The following SAXO1 variants were observed in gnomAD, a reference collection of about 807,000 sequenced individuals.
The protein encoded by SAXO1 is stabilizer of axonemal microtubules 1, also known as 4930500O09Rik.
In SAXO1, 21 loss-of-function variants were observed where a neutral mutation model predicts 17.5. The ratio of observed to expected loss-of-function variants is 1.20; its 90% CI spans 0.85 to 1.72. SAXO1 has a LOEUF of 1.72. Ranked by LOEUF, SAXO1 falls within the 40% of genes most tolerant of loss-of-function variation. The pLI is 0.00. For missense variants in SAXO1, 843 were observed against 596.0 expected, an observed-to-expected ratio of 1.41 and a Z score of -4.32; for synonymous variants, 274 against 216.5, an observed-to-expected ratio of 1.27 and a Z score of -2.33.
chr9:18,952,325 C>G (rs1287978182), intron 1 of SAXO1, among the ~76,000 whole-genome samples: 1 of 152,164 alleles, frequency 6.6e-6, no homozygotes, highest in Non-Finnish European at 1.5e-5. Context: ...AAATGCAATA[C>G]TTTGGGGAAG....
In SAXO1 at chr9:19,042,536, G is replaced by T. The variant is rs113979819; in HGVS notation, c.-158+6673C>A. Reference sequence around the variant, plus strand: ...TGTTCACAATAGCCAAGATTTGGAAGCAATCTAAGTGTCTATTAACAGATA... The same window carrying T: ...TGTTCACAATAGCCAAGATTTGGAATCAATCTAAGTGTCTATTAACAGATA... On this transcript the variant is annotated intron_variant, in intron 1 of 3. Transcript: ENST00000542071. Among the ~76,000 whole-genome samples, 63 of 152,368 alleles carry T rather than the reference G, an allele frequency of 4.1e-4. 1 individual carries two copies. Among genetic ancestry groups the T allele is most frequent in the African/African-American group, 1.4e-3 (58 of 41,590 alleles).
intron 2 of SAXO1, among the ~76,000 whole-genome samples, chr9:18,948,231 C>T (rs1380796744): frequency 6.6e-6 from 1 of 152,146 alleles, no homozygotes; most frequent in Admixed American, 6.6e-5. Flanking sequence ...GGTCTATGAA[C>T]AGTAGTGCCT....
At chr9:18,999,955 T>C (rs866318748) in intron 1 of SAXO1, among the ~76,000 whole-genome samples, 1,343 of 40,250 alleles carry the variant, frequency 0.033, 51 homozygotes, top group African/African-American at 0.11. Flanking sequence ...AAGTGAGGAG[T>C]GCCTCTACCC....
At chr9:18,950,111 T>C (rs1403395853) in intron 2 of SAXO1, among the ~76,000 whole-genome samples, 1 of 152,200 alleles carries the variant, frequency 6.6e-6, no homozygotes, top group African/African-American at 2.4e-5. Flanking sequence ...ATAACTTTTC[T>C]GCACCCCCTC....
At chr9:19,012,487 A>G (rs1404080697) in intron 1 of SAXO1, among the ~76,000 whole-genome samples, 1 of 152,254 alleles carries the variant, frequency 6.6e-6, no homozygotes, top group South Asian at 2.1e-4. Context: ...TGGTGTTGGT[A>G]TATCTAAAGA....
At chr9:18,986,303 G>A (rs1833591116) in intron 1 of SAXO1, among the ~76,000 whole-genome samples, 1 of 152,122 alleles carries the variant, frequency 6.6e-6, no homozygotes, top group Admixed American at 6.5e-5. Flanking sequence ...TCCTAATAAT[G>A]TCAAAATGTT....
chr9:19,008,786 AC>A (rs1274875526), intron 1 of SAXO1, among the ~76,000 whole-genome samples: 1 of 152,048 alleles, frequency 6.6e-6, no homozygotes, highest in Admixed American at 6.6e-5. Context: ...GAAGGAGGGG[AC>A]CCCCAGCCAC....
intron 3 of SAXO1, among the ~76,000 whole-genome samples, chr9:18,937,393 T>C (rs921011979): frequency 6.6e-6 from 1 of 152,188 alleles, no homozygotes; most frequent in Non-Finnish European, 1.5e-5. Flanking sequence ...TGACACACTT[T>C]GTTGTGTCAT....
At chr9:19,044,159 T>G (rs561315265) in intron 1 of SAXO1, among the ~76,000 whole-genome samples, 2 of 151,978 alleles carry the variant, frequency 1.3e-5, no homozygotes, top group South Asian at 4.2e-4. Flanking sequence ...AACAATTGGA[T>G]TGTTTGCAAC....
chr9:18,955,450 A>T (rs1029676536), intron 1 of SAXO1, among the ~76,000 whole-genome samples: 1 of 152,208 alleles, frequency 6.6e-6, no homozygotes, highest in Non-Finnish European at 1.5e-5. Context: ...TCCCTATTGG[A>T]AAGTGCAGAT....
At chr9:18,963,988 T>G (rs1832607971) in intron 1 of SAXO1, among the ~76,000 whole-genome samples, 2 of 152,204 alleles carry the variant, frequency 1.3e-5, no homozygotes, top group African/African-American at 4.8e-5. Context: ...TGAGAGTTTT[T>G]TAATTTTGTC....
chr9:19,023,951 C>T (rs1835360869), intron 1 of SAXO1, among the ~76,000 whole-genome samples: 1 of 135,470 alleles, frequency 7.4e-6, no homozygotes, highest in African/African-American at 2.8e-5. Context: ...CTAACCTAGG[C>T]AACATAGTGA....
At chr9:18,960,588 G>C (rs1002500252) in intron 1 of SAXO1, among the ~76,000 whole-genome samples, 3 of 151,980 alleles carry the variant, frequency 2.0e-5, no homozygotes, top group African/African-American at 7.3e-5. Context: ...GACCAGCCTG[G>C]GTAACATGGT....
intron 3 of SAXO1, among the ~76,000 whole-genome samples, chr9:18,938,981 C>T (rs994950926): frequency 2.0e-5 from 3 of 151,862 alleles, no homozygotes; most frequent in African/African-American, 4.8e-5. Context: ...ATTTTTCACT[C>T]GCAGACCTCT....
chr9:18,983,801 C>T (rs1395109099), intron 1 of SAXO1, among the ~76,000 whole-genome samples: 1 of 152,192 alleles, frequency 6.6e-6, no homozygotes, highest in African/African-American at 2.4e-5. Flanking sequence ...CCACGAATCA[C>T]TAACTTTCTT....
At chr9:18,955,206 A>T (rs533974231) in intron 1 of SAXO1, among the ~76,000 whole-genome samples, 20 of 152,352 alleles carry the variant, frequency 1.3e-4, no homozygotes, top group African/African-American at 4.6e-4. Context: ...CTCTAAAAAA[A>T]ACTAAAAAGT....
intron 1 of SAXO1, among the ~76,000 whole-genome samples, chr9:18,996,772 T>C (rs1834021555): frequency 6.6e-6 from 1 of 151,698 alleles, no homozygotes; most frequent in East Asian, 1.9e-4. Flanking sequence ...TTCCCTAAGA[T>C]CAGAAACAAG....
At chr9:18,986,791 T>C (rs1833612367) in intron 1 of SAXO1, among the ~76,000 whole-genome samples, 1 of 152,228 alleles carries the variant, frequency 6.6e-6, no homozygotes, top group African/African-American at 2.4e-5. Flanking sequence ...AAGAGGGCAC[T>C]GTTCACTTCA....
intron 3 of SAXO1, among the ~76,000 whole-genome samples, chr9:18,929,477 A>T (rs1026531360): frequency 1.5e-4 from 23 of 152,240 alleles, no homozygotes; most frequent in Admixed American, 1.5e-3. Flanking sequence ...TTCACAACCC[A>T]CCACTGGTGG....
Sources: allele counts gnomAD v4.1 joint callset (sites outside exome capture counted in the v4.1 genomes callset), GRCh38; gene constraint gnomAD v4.1.1; transcripts MANE v1.5; gene names NCBI Gene and HGNC (gene_info 2026-07-23, HGNC 2026-07-21).